Variants in ADAM22 observed in about 807,000 individuals in gnomAD.
ADAM22 encodes the protein disintegrin and metalloproteinase domain-containing protein 22.
ADAM22 carries 65 observed loss-of-function variants against 144.6 expected under a neutral mutation model. The observed-to-expected ratio is 0.45, with a 90% CI of 0.37 to 0.55. The LOEUF is 0.55. Ranked by LOEUF, ADAM22 falls within the 20% of genes least tolerant of loss-of-function variation. The pLI, the probability that ADAM22 is intolerant of heterozygous loss-of-function variation, is 0.00. For synonymous variants in ADAM22, 391 were observed against 412.6 expected, an observed-to-expected ratio of 0.95 and a Z score of 0.63; for missense variants, 974 against 1,184.9, an observed-to-expected ratio of 0.82 and a Z score of 2.61.
intron 2 of ADAM22, among the ~76,000 whole-genome samples, chr7:87,963,118 C>T (rs1361004990): frequency 6.6e-6 from 1 of 152,078 alleles, no homozygotes; most frequent in Non-Finnish European, 1.5e-5. Flanking sequence ...TTTTGGTTCT[C>T]CTGGAGGTAC....
chr7:88,180,518 G>A (rs1323161363), intron 27 of ADAM22, among the ~76,000 whole-genome samples: 1 of 151,902 alleles, frequency 6.6e-6, no homozygotes, highest in Non-Finnish European at 1.5e-5. Flanking sequence ...TCAGTAGAAG[G>A]CTTTTTTTGA....
intron 3 of ADAM22, among the ~76,000 whole-genome samples, chr7:88,060,780 A>T (rs1809600002): frequency 6.7e-6 from 1 of 150,206 alleles, no homozygotes; most frequent in Admixed American, 6.6e-5. Flanking sequence ...AAAAAAAAAA[A>T]ACAAAAAACA....
chr7:88,165,580 AT>A (rs78934168), intron 23 of ADAM22, among the ~76,000 whole-genome samples: 10,994 of 149,540 alleles, frequency 0.074, 567 homozygotes, highest in East Asian at 0.23. Context: ...AATTTCTTTG[AT>A]TTTTTTTTTA....
chr7:88,142,880 A>G, intron 14 of ADAM22, 146 bp from the exon 15 acceptor site: 1 of 511,246 alleles, frequency 2.0e-6, no homozygotes, highest in East Asian at 3.2e-5. Flanking sequence ...CAAAACTCTT[A>G]TAGATTGAAT....
At chr7:88,007,952 G>A (rs1241587262) in intron 3 of ADAM22, among the ~76,000 whole-genome samples, 1 of 152,152 alleles carries the variant, frequency 6.6e-6, no homozygotes, top group African/African-American at 2.4e-5. Flanking sequence ...TATCATCAGA[G>A]TGAACAGGCA....
chr7:88,015,042 T>G (rs975698139), intron 3 of ADAM22, among the ~76,000 whole-genome samples: 1 of 152,218 alleles, frequency 6.6e-6, no homozygotes, highest in African/African-American at 2.4e-5. Context: ...GGTAGAACTT[T>G]AAGAGTTCAA....
intron 3 of ADAM22, among the ~76,000 whole-genome samples, chr7:88,010,604 G>A (rs1345823392): frequency 6.6e-6 from 1 of 152,142 alleles, no homozygotes; most frequent in Non-Finnish European, 1.5e-5. Context: ...TTCTTTTCCA[G>A]CTCCTAGTGG....
At chr7:87,944,993 C>A (rs1843333352) in intron 2 of ADAM22, among the ~76,000 whole-genome samples, 1 of 67,612 alleles carries the variant, frequency 1.5e-5, no homozygotes, top group African/African-American at 1.5e-4. Flanking sequence ...TCTTGTCTTT[C>A]ACCTCTTTCT....
rs1854422184 is a variant in ADAM22 at position 87,984,315 on chromosome 7, C to G, written c.323+5903C>G. On this transcript the variant is annotated intron_variant, in intron 3 of 31. Coordinates refer to ENST00000413139, the MANE Select transcript of ADAM22 (RefSeq NM_001324418.2). ...AGTTTCCCTTCACTAGTGATGCCCG[C>G]TAACATCTGCCAGAGTGGTTTCTTG... Among the ~76,000 whole-genome samples, 5 of 152,118 alleles carry G rather than the reference C, an allele frequency of 3.3e-5. No homozygotes were observed. In the South Asian group the frequency reaches 1.0e-3, roughly 31 times the overall value.
At chr7:88,182,389 C>T (rs887791450) in intron 29 of ADAM22, among the ~76,000 whole-genome samples, 1 of 152,182 alleles carries the variant, frequency 6.6e-6, no homozygotes, top group African/African-American at 2.4e-5. Flanking sequence ...AATACTCACA[C>T]AGCCTTGTAA....
At chr7:88,186,783 T>G in intron 30 of ADAM22, 82 bp downstream of exon 30, 1 of 861,246 alleles carries the variant, frequency 1.2e-6, no homozygotes, top group Non-Finnish European at 1.9e-6. Flanking sequence ...CTCTCTATCT[T>G]GTATCTCCCA....
At chr7:88,060,330 G>A (rs1403995067) in intron 3 of ADAM22, among the ~76,000 whole-genome samples, 1 of 152,124 alleles carries the variant, frequency 6.6e-6, no homozygotes, top group South Asian at 2.1e-4. Flanking sequence ...AGCAATTTAC[G>A]CATAGCAGAA....
chr7:88,060,146 T>G (rs550436210), intron 3 of ADAM22, among the ~76,000 whole-genome samples: 43 of 152,322 alleles, frequency 2.8e-4, no homozygotes, highest in African/African-American at 9.9e-4. Context: ...TTCAGCAAAT[T>G]ATAATCTTTT....
chr7:88,130,375 CT>C lies in ADAM22; in HGVS notation c.754-9del. On this transcript the variant is annotated splice_polypyrimidine_tract_variant and intron_variant, in intron 9 of 31. Coordinates refer to ENST00000413139, the MANE Select transcript of ADAM22 (RefSeq NM_001324418.2). The stretch of plus-strand genomic sequence containing the variant: ...ACTTTGCAAGACCTTCACTTGTTTT[CT>C]TTTGCTTTCAGTTTAAAAAACATCG... 6.2e-7 allele frequency: 1 copy of C among 1,602,460 alleles called. No individual in the cohort carries two copies. The highest frequency in any genetic ancestry group is 8.5e-7 in the Non-Finnish European group (1 of 1,173,844).
At chr7:87,995,040 G>C (rs967246365) in intron 3 of ADAM22, among the ~76,000 whole-genome samples, 1 of 151,930 alleles carries the variant, frequency 6.6e-6, no homozygotes, top group East Asian at 1.9e-4. Flanking sequence ...CCGTGGTCTC[G>C]ATCTCCTGAC....
intron 3 of ADAM22, among the ~76,000 whole-genome samples, chr7:87,992,167 T>G (rs970594506): frequency 6.6e-5 from 10 of 152,152 alleles, no homozygotes; most frequent in African/African-American, 2.2e-4. Context: ...ATAGAAAAAT[T>G]GGTGTTTTTT....
chr7:87,941,734 A>G (rs1023093130), intron 2 of ADAM22, among the ~76,000 whole-genome samples: 106 of 152,074 alleles, frequency 7.0e-4, no homozygotes, highest in Admixed American at 8.5e-4. Flanking sequence ...ATTTGTATAT[A>G]TATGTATTTT....
At chr7:88,156,125 A>G (rs1336693020) in intron 22 of ADAM22, 119 bp downstream of exon 22, 6 of 1,063,460 alleles carry the variant, frequency 5.6e-6, no homozygotes, top group East Asian at 2.5e-5. Context: ...AATCTAGTCT[A>G]TAGAGACGAT....
chr7:88,149,029 G>C lies in ADAM22; in HGVS notation c.1538G>C (p.Arg513Pro). The C allele has an allele frequency of 1.9e-6, 3 of 1,612,008 alleles. No individual in the cohort carries two copies. The highest frequency in any genetic ancestry group is 2.5e-6 in the Non-Finnish European group (3 of 1,178,700). ...GAAGCAGTAAATGATTGTGATATTCGTGAAACGTGCTCAGGAAATTCAAGC... is the reference window on the plus strand; with the variant it reads ...GAAGCAGTAAATGATTGTGATATTCCTGAAACGTGCTCAGGAAATTCAAGC... ...CREAVNDCDI[R>P]ETCSGNSSQC... Residue 513 changes from arginine (R) to proline (P), a missense_variant, in exon 18 of 32, where the codon CGT (arginine) becomes CCT (proline). By Grantham distance (103) the Arg-to-Pro change is moderately radical. Coordinates refer to ENST00000413139, the MANE Select transcript of ADAM22 (RefSeq NM_001324418.2).
Sources: allele counts gnomAD v4.1 joint callset (sites outside exome capture counted in the v4.1 genomes callset), GRCh38; gene constraint gnomAD v4.1.1; transcripts MANE v1.5; gene names NCBI Gene and HGNC (gene_info 2026-07-23, HGNC 2026-07-21).